CYP3A5: variants seen among roughly 807,000 people sequenced by gnomAD.
CYP3A5 encodes the protein cytochrome P450 family 3 subfamily A member 5.
CYP3A5 carries 51 observed loss-of-function variants against 55.9 expected under a neutral mutation model. The observed-to-expected ratio is 0.91, with a 90% confidence interval of 0.73 to 1.15. The LOEUF (loss-of-function observed/expected upper bound fraction) is 1.15. CYP3A5 is among the 50% of genes most tolerant of loss of function. The pLI is 0.00. For synonymous variants in CYP3A5, 196 were observed against 213.9 expected (o/e 0.92, Z 0.73); for missense variants, 533 against 596.6 (o/e 0.89, Z 1.11).
chr7:99,667,028 G>T lies in CYP3A5; in HGVS notation c.356C>A (p.Ser119Tyr). ...GPVGFMKSAI[S>Y]LAEDEEWKRI... ...CTTCCATTCTTCATCCTCAGCTAAA[G>T]AGATGGCACTTTTCATAAATCCCAC... The change falls in exon 5 of 13, where the codon TCT (serine) becomes TAT (tyrosine). Residue 119 changes from serine (S) to tyrosine (Y), a missense_variant. Ser to Tyr is a moderately radical substitution (Grantham distance 144). Coordinates refer to ENST00000222982, the MANE Select transcript of CYP3A5 (RefSeq NM_000777.5). 1 of 1,614,148 alleles carries T rather than the reference G, an allele frequency of 6.2e-7. No homozygotes were observed. Among genetic ancestry groups the T allele is most frequent in the Non-Finnish European group, 8.5e-7 (1 of 1,179,996 alleles).
At chr7:99,672,987 G>A (rs1811827535) in intron 3 of CYP3A5, 1 of 797,664 alleles carries the variant, frequency 1.3e-6, no homozygotes, top group Non-Finnish European at 1.6e-6. Context: ...AAGCTGGGTG[G>A]TACATACGTG....
intron 10 of CYP3A5, among the ~76,000 whole-genome samples, chr7:99,656,137 A>C (rs998925044): frequency 1.3e-5 from 2 of 152,140 alleles, no homozygotes; most frequent in African/African-American, 4.8e-5. Flanking sequence ...GTGGTGAGAG[A>C]GGGCATCCCT....
chr7:99,662,938 A>C lies in CYP3A5; in HGVS notation c.799-56T>G. 1 of 1,608,042 alleles carries C rather than the reference A, an allele frequency of 6.2e-7. No homozygotes were observed. The highest frequency in any genetic ancestry group is 1.7e-5 in the Admixed American group (1 of 59,770). On this transcript the variant is annotated intron_variant, in intron 8 of 12. Transcript: ENST00000222982. This position sits in a 1 kb window ranked among gnomAD's most constrained non-coding sequence, Gnocchi z 4.3. ...GAAAGTGACTCGTGAAGTCAGAAGT[A>C]AATCAAAAGTGCAGTCCTCAACCTC...
At chr7:99,655,634 A>G (rs1809641509) in intron 10 of CYP3A5, among the ~76,000 whole-genome samples, 1 of 152,222 alleles carries the variant, frequency 6.6e-6, no homozygotes, top group Non-Finnish European at 1.5e-5. Flanking sequence ...TGGTAGCTTG[A>G]TGGCGATGGC....
At chr7:99,673,144 G>A (rs1249767546) in intron 3 of CYP3A5, among the ~76,000 whole-genome samples, 1 of 152,172 alleles carries the variant, frequency 6.6e-6, no homozygotes, top group East Asian at 1.9e-4. Flanking sequence ...TTGGTGTGGG[G>A]CCCATGGACA....
At chr7:99,651,462 A>G (rs1035070499) in intron 11 of CYP3A5, among the ~76,000 whole-genome samples, 2 of 152,190 alleles carry the variant, frequency 1.3e-5, no homozygotes, top group African/African-American at 4.8e-5. Context: ...GTGCAGCCAC[A>G]GGAGGTGGAA....
intron 3 of CYP3A5, 167 bp from the exon 4 acceptor site, chr7:99,672,846 G>T (rs1466286913): frequency 1.4e-6 from 2 of 1,433,480 alleles, no homozygotes; most frequent in African/African-American, 2.9e-5. Context: ...CACACAGCAA[G>T]AGTCTCACAC....
chr7:99,652,983 G>A (rs1020886433), intron 10 of CYP3A5, among the ~76,000 whole-genome samples: 1 of 152,176 alleles, frequency 6.6e-6, no homozygotes, highest in Non-Finnish European at 1.5e-5. Context: ...AGTTATGAAT[G>A]TAGGAGATAT....
chr7:99,667,610 T>C (rs1302767303), intron 4 of CYP3A5, among the ~76,000 whole-genome samples: 1 of 152,236 alleles, frequency 6.6e-6, no homozygotes, highest in East Asian at 1.9e-4. Flanking sequence ...CTCTTAATTT[T>C]TTATTCCATA....
chr7:99,654,397 C>T (rs1252972300), intron 10 of CYP3A5, among the ~76,000 whole-genome samples: 1 of 152,164 alleles, frequency 6.6e-6, no homozygotes, highest in Admixed American at 6.5e-5. Flanking sequence ...CATGTCTCTA[C>T]AAAGGACATG....
rs1809518150 is a variant in CYP3A5 at position 99,654,504 on chromosome 7, C to A, written c.1027-1725G>T. On this transcript the variant is annotated intron_variant, in intron 10 of 12. Coordinates refer to ENST00000222982, the MANE Select transcript of CYP3A5 (RefSeq NM_000777.5). The stretch of plus-strand genomic sequence containing the variant: ...CATTATTGGACATTTGGGTTGGTTC[C>A]AAGTCTTTGCTATTGTGAATAGTGC... Among the ~76,000 whole-genome samples, 3 of 152,106 alleles carry A rather than the reference C, an allele frequency of 2.0e-5. No individual in the cohort carries two copies. The South Asian group carries it at 6.2e-4, about 32-fold the overall frequency.
chr7:99,676,630 G>C, intron 1 of CYP3A5: 1 of 1,109,462 alleles, frequency 9.0e-7, no homozygotes. Flanking sequence ...ATGAGATTTT[G>C]CATCACTGTA....
intron 10 of CYP3A5, among the ~76,000 whole-genome samples, chr7:99,654,659 T>C (rs544948854): frequency 6.6e-6 from 1 of 152,368 alleles, no homozygotes; most frequent in East Asian, 1.9e-4. Context: ...ATCACCACAC[T>C]GACTTCCACA....
In CYP3A5 at chr7:99,660,593, C is replaced by G. The variant is rs1333558189; in HGVS notation, c.932G>C (p.Ser311Thr). Reference protein sequence around the residue: ...IFIFAGYETTSSVLSFTLYEL... With the variant: ...IFIFAGYETTTSVLSFTLYEL... ...ATATAAAGTGAAGGAAAGAACACTG[C>G]TGGTGGTTTCATAGCCAGCAAAAAT... The change falls in exon 10 of 13, where the codon AGC (serine) becomes ACC (threonine). Residue 311 changes from serine to threonine, a missense_variant. Ser to Thr is a moderately conservative substitution (Grantham distance 58, BLOSUM62 1). Transcript: ENST00000222982. The G allele has an allele frequency of 6.2e-7, 1 of 1,613,992 alleles. No individual in the cohort carries two copies. Among genetic ancestry groups the G allele is most frequent in the Non-Finnish European group, 8.5e-7 (1 of 1,179,972 alleles).
intron 3 of CYP3A5, 86 bp downstream of exon 3, chr7:99,674,447 T>C (rs1325724920): frequency 2.0e-6 from 2 of 1,024,724 alleles, no homozygotes; most frequent in East Asian, 2.5e-5. Context: ...CTTCATCCCA[T>C]GAAGACCTGG....
At chr7:99,676,768 G>A (rs377623956) in intron 1 of CYP3A5, among the ~76,000 whole-genome samples, 79 of 152,158 alleles carry the variant, frequency 5.2e-4, no homozygotes, top group East Asian at 1.7e-3. Flanking sequence ...CTTCTTAAAC[G>A]TTCATTCACA....
intron 10 of CYP3A5, chr7:99,658,998 G>C (rs1810087321): frequency 6.6e-6 from 1 of 152,090 alleles, no homozygotes; most frequent in Non-Finnish European, 1.5e-5. Context: ...CTTTTTTCAA[G>C]GTTTTTAACT....
chr7:99,655,955 T>C (rs998541072), intron 10 of CYP3A5, among the ~76,000 whole-genome samples: 12 of 152,148 alleles, frequency 7.9e-5, no homozygotes, highest in Non-Finnish European at 1.5e-4. Context: ...GCTGAAGTTG[T>C]TTATCAGCTT....
At chr7:99,664,941 T>C (rs1382185821) in intron 7 of CYP3A5, among the ~76,000 whole-genome samples, 2 of 152,194 alleles carry the variant, frequency 1.3e-5, no homozygotes, top group South Asian at 4.1e-4. Flanking sequence ...TATTGGATGC[T>C]TAGGGCAGTG....
Sources: allele counts gnomAD v4.1 joint callset (sites outside exome capture counted in the v4.1 genomes callset), GRCh38; gene constraint gnomAD v4.1.1; non-coding constraint Gnocchi (gnomAD v3.1); transcripts MANE v1.5; gene names NCBI Gene and HGNC (gene_info 2026-07-23, HGNC 2026-07-21).